The following LINGO2 variants were observed in gnomAD, a reference collection of about 807,000 sequenced individuals.
LINGO2 encodes leucine rich repeat and Ig domain containing 2, also known as leucine-rich repeat and immunoglobulin-like domain-containing nogo receptor-interacting protein 2.
A neutral mutation model predicts 30.6 loss-of-function variants in LINGO2; 14 were observed. The observed-to-expected ratio is 0.46, with a 90% confidence interval of 0.30 to 0.72. The LOEUF (loss-of-function observed/expected upper bound fraction) is 0.72. Among genes scored for constraint, LINGO2 ranks in the 30% least tolerant of loss-of-function variants. The pLI, the probability that LINGO2 is intolerant of heterozygous loss-of-function variation, is 0.07. For missense variants in LINGO2, 729 were observed against 751.7 expected (o/e 0.97, Z 0.35); for synonymous variants, 317 against 288.5 (o/e 1.10, Z -1.00).
chr9:29,012,918 G>A, the LINGO2 span, among the ~76,000 whole-genome samples: 1 of 152,162 alleles, frequency 6.6e-6, no homozygotes, highest in Non-Finnish European at 1.5e-5. Context: ...TTTTCTATTA[G>A]TGAAAGATAT....
At chr9:28,305,261 C>T (rs1363073601) in intron 3 of LINGO2, among the ~76,000 whole-genome samples, 1 of 151,918 alleles carries the variant, frequency 6.6e-6, no homozygotes, top group Non-Finnish European at 1.5e-5. Flanking sequence ...AAACCTGGAG[C>T]TAATATTATA....
the LINGO2 span, among the ~76,000 whole-genome samples, chr9:29,082,418 C>G: frequency 6.6e-6 from 1 of 152,086 alleles, no homozygotes. Context: ...ACATCTTATA[C>G]AAAAATTAAT....
At chr9:28,013,873 A>G (rs1822683842) in intron 4 of LINGO2, among the ~76,000 whole-genome samples, 3 of 152,200 alleles carry the variant, frequency 2.0e-5, no homozygotes, top group Admixed American at 2.0e-4. Flanking sequence ...TTGTTAGGTG[A>G]AAGGATATTT....
the LINGO2 span, among the ~76,000 whole-genome samples, chr9:28,756,090 C>T: frequency 1.3e-5 from 2 of 151,966 alleles, no homozygotes; most frequent in African/African-American, 4.8e-5. Flanking sequence ...CCTGAAATCA[C>T]CTGATCCATT....
intron 4 of LINGO2, among the ~76,000 whole-genome samples, chr9:28,095,852 C>T (rs927407686): frequency 3.9e-5 from 6 of 152,064 alleles, no homozygotes; most frequent in Non-Finnish European, 8.8e-5. Context: ...TGAACTCAAA[C>T]AAATTTACAA....
the LINGO2 span, among the ~76,000 whole-genome samples, chr9:28,964,358 C>T: frequency 2.0e-5 from 3 of 151,770 alleles, no homozygotes; most frequent in East Asian, 5.8e-4. Context: ...GTGAGCTCAA[C>T]CTTAAAATTA....
intron 1 of LINGO2, among the ~76,000 whole-genome samples, chr9:28,479,356 G>A (rs906258784): frequency 2.0e-5 from 3 of 151,812 alleles, no homozygotes; most frequent in African/African-American, 7.3e-5. Context: ...TATTACAAAA[G>A]AGAACATAGG....
intron 3 of LINGO2, among the ~76,000 whole-genome samples, chr9:28,367,411 C>T (rs114316857): frequency 6.6e-6 from 1 of 152,256 alleles, no homozygotes; most frequent in African/African-American, 2.4e-5. Flanking sequence ...GTCTGTTGAA[C>T]TGGCTGTTCT....
At chr9:28,743,417 G>A in the LINGO2 span, among the ~76,000 whole-genome samples, 2 of 151,636 alleles carry the variant, frequency 1.3e-5, no homozygotes, top group Admixed American at 1.3e-4. Context: ...TCATACTTAT[G>A]AGTGAGAACA....
chr9:28,806,064 T>A, the LINGO2 span, among the ~76,000 whole-genome samples: 2 of 146,584 alleles, frequency 1.4e-5, no homozygotes, highest in African/African-American at 4.9e-5. Context: ...ATGATGAGAT[T>A]TTCAGTTGTC....
At chr9:28,181,436 C>T (rs372701632) in intron 4 of LINGO2, among the ~76,000 whole-genome samples, 1 of 152,110 alleles carries the variant, frequency 6.6e-6, no homozygotes, top group African/African-American at 2.4e-5. Context: ...ATATCTCGGC[C>T]AGCAGCATCC....
intron 1 of LINGO2, among the ~76,000 whole-genome samples, chr9:28,535,291 A>T (rs1044467701): frequency 6.6e-6 from 1 of 152,170 alleles, no homozygotes; most frequent in African/African-American, 2.4e-5. Context: ...AAGGTGAAAA[A>T]ATACACTTTC....
chr9:28,737,121 G>A, the LINGO2 span, among the ~76,000 whole-genome samples: 2 of 152,174 alleles, frequency 1.3e-5, no homozygotes, highest in African/African-American at 2.4e-5. Context: ...TATAGTTTCT[G>A]CTTTTACTCT....
At chr9:28,786,824 A>G in the LINGO2 span, among the ~76,000 whole-genome samples, 1 of 152,158 alleles carries the variant, frequency 6.6e-6, no homozygotes, top group Non-Finnish European at 1.5e-5. Flanking sequence ...GTAATAGAAA[A>G]GGAAGAAAAT....
intron 1 of LINGO2, among the ~76,000 whole-genome samples, chr9:28,533,869 C>T (rs781169823): frequency 6.6e-6 from 1 of 152,070 alleles, no homozygotes; most frequent in Non-Finnish European, 1.5e-5. Context: ...TTTTTCTGTT[C>T]ATGACATTAT....
chr9:28,119,638 C>T (rs867442649), intron 4 of LINGO2, among the ~76,000 whole-genome samples: 7 of 152,136 alleles, frequency 4.6e-5, no homozygotes, highest in African/African-American at 9.7e-5. Flanking sequence ...TCTCATTCTA[C>T]GATCTAACAA....
At chr9:28,539,113 G>A (rs1821566278) in intron 1 of LINGO2, among the ~76,000 whole-genome samples, 1 of 151,754 alleles carries the variant, frequency 6.6e-6, no homozygotes, top group African/African-American at 2.4e-5. Context: ...TTTCAGTAAG[G>A]TTGAAATTAA....
chr9:28,452,618 T>C (rs774386327), intron 2 of LINGO2, among the ~76,000 whole-genome samples: 3 of 151,888 alleles, frequency 2.0e-5, no homozygotes, highest in Non-Finnish European at 4.4e-5. Context: ...TCATGGTTTG[T>C]GGATAATAGC....
At chr9:28,018,582 A>G (rs967488986) in intron 4 of LINGO2, among the ~76,000 whole-genome samples, 1 of 152,222 alleles carries the variant, frequency 6.6e-6, no homozygotes, top group African/African-American at 2.4e-5. Context: ...TAATAAGCAT[A>G]TGAAAAAAAT....
Sources: gnomAD v4.1 joint callset for allele counts (sites outside exome capture counted in the v4.1 genomes callset) on GRCh38, gnomAD v4.1.1 for gene constraint, MANE v1.5 for transcripts, NCBI Gene and HGNC (gene_info 2026-07-23, HGNC 2026-07-21) for gene names.